NFASC: variants seen among roughly 807,000 people sequenced by gnomAD.
The protein encoded by NFASC is neurofascin.
In NFASC, 43 loss-of-function variants were observed where a neutral mutation model predicts 147.5. The observed-to-expected ratio is 0.29, with a 90% CI of 0.23 to 0.38. NFASC has a LOEUF of 0.38. Among genes scored for constraint, NFASC ranks in the 10% least tolerant of loss-of-function variants. NFASC has a pLI of 1.00. For synonymous variants in NFASC, 622 were observed against 665.5 expected (o/e 0.93, Z 1.01); for missense variants, 1,320 against 1,689.0 (o/e 0.78, Z 3.83).
At chr1:204,880,756 T>C (rs2080037034) in intron 1 of NFASC, among the ~76,000 whole-genome samples, 1 of 152,188 alleles carries the variant, frequency 6.6e-6, no homozygotes, top group African/African-American at 2.4e-5. Flanking sequence ...TTTGATTTTT[T>C]CCTAGTTGAC....
At chr1:204,984,308 C>T in intron 21 of NFASC, 2 of 518,832 alleles carry the variant, frequency 3.9e-6, no homozygotes, top group East Asian at 6.5e-5. Context: ...AAAAATATAC[C>T]CAGAAAAAAA....
chr1:204,951,205 G>A (rs1328516849), intron 4 of NFASC, among the ~76,000 whole-genome samples: 1 of 147,204 alleles, frequency 6.8e-6, no homozygotes, highest in Non-Finnish European at 1.5e-5. Context: ...CTGGAGTACA[G>A]CAGCACAATC....
intron 10 of NFASC, among the ~76,000 whole-genome samples, chr1:204,969,199 C>T (rs2095113486): frequency 6.6e-6 from 1 of 151,970 alleles, no homozygotes; most frequent in Non-Finnish European, 1.5e-5. Flanking sequence ...GGAGATCCAC[C>T]CTGGCCATCA....
intron 25 of NFASC, chr1:204,999,614 C>T (rs1310027842): frequency 6.6e-6 from 1 of 152,188 alleles, no homozygotes; most frequent in Non-Finnish European, 1.5e-5. Context: ...AAGAAGCCTA[C>T]CTTCTCCCCT....
intron 24 of NFASC, 68 bp from the exon 25 acceptor site, chr1:204,997,102 G>T: frequency 6.4e-7 from 1 of 1,558,382 alleles, no homozygotes; most frequent in East Asian, 2.3e-5. Flanking sequence ...CTTGCACGCG[G>T]GGGCCGTGTG....
chr1:205,000,749 C>T (rs1030375672), intron 25 of NFASC: 1 of 193,730 alleles, frequency 5.2e-6, no homozygotes, highest in Admixed American at 5.4e-5. Context: ...ATCGCTTGAA[C>T]CTGGGAAGTG....
chr1:204,944,678 G>A lies in NFASC; in HGVS notation c.91+272G>A, dbSNP rs72751460. ...TGGAGCCAGCTGAGTGGGACTAGAG[G>A]TGGCGGAGTTTGGGATTCTGAGTGC... is the stretch of plus-strand genomic sequence containing the variant. On this transcript the variant is annotated intron_variant, in intron 3 of 29. Coordinates refer to ENST00000339876, the MANE Select transcript of NFASC (RefSeq NM_001005388.3). 2,154 of 435,772 alleles carry A rather than the reference G, an allele frequency of 4.9e-3. 19 individuals are homozygous for A. Among genetic ancestry groups the A allele is most frequent in the South Asian group, 9.1e-3 (205 of 22,584 alleles). The allele number at this position is 435,772 out of a possible 1,614,324, so 27.0% of individuals were successfully genotyped here.
chr1:204,937,913 C>A (rs1319351218), intron 2 of NFASC, among the ~76,000 whole-genome samples: 1 of 152,240 alleles, frequency 6.6e-6, no homozygotes, highest in Non-Finnish European at 1.5e-5. Flanking sequence ...ATAATCCCTG[C>A]CATCCAGTCG....
At chr1:204,948,380 A>G (rs2093915218) in intron 3 of NFASC, among the ~76,000 whole-genome samples, 1 of 152,180 alleles carries the variant, frequency 6.6e-6, no homozygotes, top group African/African-American at 2.4e-5. Flanking sequence ...CGCCATCCCT[A>G]TAGTCAAGTA....
intron 1 of NFASC, among the ~76,000 whole-genome samples, chr1:204,829,285 T>A (rs754641682): frequency 2.6e-4 from 40 of 151,040 alleles, no homozygotes; most frequent in Admixed American, 6.6e-5. Context: ...TGTCCTCCCC[T>A]GGTTCCCCCT....
At chr1:204,899,784 A>C (rs1393202992) in intron 1 of NFASC, among the ~76,000 whole-genome samples, 1 of 152,220 alleles carries the variant, frequency 6.6e-6, no homozygotes, top group Non-Finnish European at 1.5e-5. Flanking sequence ...TATTAAACCA[A>C]GGAAGCATGG....
At chr1:204,903,605 T>C (rs1303846165) in intron 1 of NFASC, among the ~76,000 whole-genome samples, 1 of 152,148 alleles carries the variant, frequency 6.6e-6, no homozygotes, top group African/African-American at 2.4e-5. Flanking sequence ...TCTTCCCAGG[T>C]CCTACTTGCA....
At chr1:204,858,169 C>G (rs1037187527) in intron 1 of NFASC, among the ~76,000 whole-genome samples, 1 of 151,866 alleles carries the variant, frequency 6.6e-6, no homozygotes, top group Non-Finnish European at 1.5e-5. Context: ...ATCCACCTGC[C>G]TCAGCCTCCC....
At chr1:204,914,445 G>A (rs2088627231) in intron 1 of NFASC, among the ~76,000 whole-genome samples, 1 of 152,200 alleles carries the variant, frequency 6.6e-6, no homozygotes, top group East Asian at 1.9e-4. Flanking sequence ...AGAAGGACAT[G>A]TTTGCTTGCT....
Position 204,979,501 on chromosome 1 carries a change from C to T in NFASC, c.2118C>T (p.Asn706=), listed in dbSNP as rs780693951. ...VNYQFRVIAI[N]EVGSSHPSLP... is the part of the protein sequence containing the mutation. ...ACCAGTTCCGTGTCATTGCCATCAA[C>T]GAGGTTGGGAGCAGCCACCCCAGCC... Residue 706 remains asparagine (N), a synonymous_variant, in exon 19 of 30, where the codon AAC becomes AAT. Transcript: ENST00000339876. This position sits in a 1 kb window ranked among gnomAD's most constrained non-coding sequence, Gnocchi z 6.0. 23 of 1,613,842 alleles carry T rather than the reference C, an allele frequency of 1.4e-5. No individual in the cohort carries two copies. Among genetic ancestry groups the T allele is most frequent in the East Asian group, 1.3e-4 (6 of 44,886 alleles).
intron 1 of NFASC, among the ~76,000 whole-genome samples, chr1:204,880,095 T>G (rs1379186051): frequency 1.3e-5 from 2 of 151,680 alleles, no homozygotes; most frequent in Non-Finnish European, 2.9e-5. Flanking sequence ...GCAGGGGGAG[T>G]GCACAATTTA....
rs141939311 is a variant in NFASC, at chr1:204,843,587, TCTTCCTTCCTTCCTTC to T, written c.-200+14832_-200+14847del. The stretch of plus-strand genomic sequence containing the variant: ...TCCCTTCTCTCCTTCCTTCTTTCCT[TCTTCCTTCCTTCCTTC>T]CTTCCTTCCTTCCTTCCTTCCTTCC... On this transcript the variant is annotated intron_variant, in intron 1 of 29. Transcript: ENST00000339876. 1.7e-4 allele frequency among the ~76,000 whole-genome samples: 21 copies of T among 120,592 alleles called. 1 individual carries two copies. The highest frequency in any genetic ancestry group is 3.8e-4 in the African/African-American group (11 of 28,598). 79.1% of individuals were successfully genotyped at this position (120,592 alleles called of 152,430 possible). A position where few individuals can be genotyped will look rare whatever the true frequency, so the allele number is the denominator to read the frequency against.
intron 27 of NFASC, among the ~76,000 whole-genome samples, chr1:205,007,783 G>A (rs2096155544): frequency 6.6e-6 from 1 of 152,176 alleles, no homozygotes; most frequent in Admixed American, 6.5e-5. Context: ...GGTAGGACTA[G>A]AGAGATGGCC....
At position 204,987,671 on chromosome 1, in the gene NFASC, C is replaced by T. The variant is rs191877695; in HGVS notation, c.2593+131C>T. 1.6e-4 allele frequency: 162 copies of T among 994,422 alleles called. 1 individual carries two copies. In the Admixed American group the frequency reaches 2.3e-3, roughly 14 times the overall value. The allele number at this position is 994,422 out of a possible 1,614,324, so 61.6% of individuals were successfully genotyped here. ...CATTGTGGAGGGATGGAGGGGCCAA[C>T]GAAACAGTTCCCAATAGGATTAGGG... On this transcript the variant is annotated intron_variant, in intron 22 of 29. Transcript: ENST00000339876. The surrounding 1 kb of genome is among the most constrained non-coding windows in gnomAD (Gnocchi z 4.4).
Sources: allele counts gnomAD v4.1 joint callset (sites outside exome capture counted in the v4.1 genomes callset), GRCh38; gene constraint gnomAD v4.1.1; non-coding constraint Gnocchi (gnomAD v3.1); transcripts MANE v1.5; gene names NCBI Gene and HGNC (gene_info 2026-07-23, HGNC 2026-07-21).